Variants in EPHA5 observed in about 807,000 individuals in gnomAD.
EPHA5 encodes ephrin type-A receptor 5.
EPHA5 carries 60 observed loss-of-function variants against 105.0 expected under a neutral mutation model. The observed-to-expected ratio is 0.57, with a 90% CI of 0.46 to 0.71. The LOEUF is 0.71. Ranked by LOEUF, EPHA5 falls within the 30% of genes least tolerant of loss-of-function variation. The probability of loss-of-function intolerance (pLI) is 0.00; values close to 1 mark genes in which losing one functional copy is unlikely to be tolerated. For synonymous variants in EPHA5, 513 were observed against 449.1 expected (o/e 1.14, Z -1.80); for missense variants, 1,218 against 1,274.7 (o/e 0.96, Z 0.68).
Position 65,381,515 on chromosome 4 carries a change from A to C in EPHA5, c.1794-14091T>G, listed in dbSNP as rs796180999. Among the ~76,000 whole-genome samples the C allele has an allele frequency of 3.8e-4, 58 of 151,982 alleles. 1 individual carries two copies. Among genetic ancestry groups the C allele is most frequent in the African/African-American group, 1.3e-3 (55 of 41,524 alleles). ...ATACTTATTGCAATATATTTCATTA[A>C]AGGCCATGAGTTTTTAAGTGATTAA... is the stretch of plus-strand genomic sequence containing the variant. On this transcript the variant is annotated intron_variant, in intron 8 of 16. Coordinates refer to ENST00000613740, the MANE Select transcript of EPHA5 (RefSeq NM_001281766.3).
At chr4:65,375,106 A>C (rs1402564588) in intron 8 of EPHA5, among the ~76,000 whole-genome samples, 1 of 151,886 alleles carries the variant, frequency 6.6e-6, no homozygotes, top group Non-Finnish European at 1.5e-5. Flanking sequence ...ACCCAGTAAA[A>C]ATTTTGGAGA....
intron 3 of EPHA5, among the ~76,000 whole-genome samples, chr4:65,558,715 T>C (rs181371609): frequency 2.1e-3 from 316 of 152,120 alleles, no homozygotes; most frequent in Non-Finnish European, 1.4e-3. Context: ...CAACAGGCCC[T>C]GGTGTGTGAT....
chr4:65,452,302 A>C (rs186527035), intron 5 of EPHA5, among the ~76,000 whole-genome samples: 175 of 152,284 alleles, frequency 1.1e-3, no homozygotes, highest in African/African-American at 3.7e-3. Flanking sequence ...CAAATAGATT[A>C]ACGCATTTAT....
intron 3 of EPHA5, among the ~76,000 whole-genome samples, chr4:65,532,611 T>TG: frequency 6.6e-6 from 1 of 151,166 alleles, no homozygotes. Flanking sequence ...ATAGCTCTTT[T>TG]TTTTTTTACT....
At chr4:65,453,448 A>G (rs1188726764) in intron 5 of EPHA5, among the ~76,000 whole-genome samples, 5 of 152,188 alleles carry the variant, frequency 3.3e-5, no homozygotes, top group African/African-American at 1.2e-4. Flanking sequence ...GGTCACAGAG[A>G]GAACCAAGGA....
chr4:65,605,901 A>G (rs1246938557), intron 2 of EPHA5, among the ~76,000 whole-genome samples: 1 of 152,136 alleles, frequency 6.6e-6, no homozygotes, highest in Admixed American at 6.5e-5. Context: ...TTCAATAGAG[A>G]ACATCACAAA....
intron 1 of EPHA5, among the ~76,000 whole-genome samples, chr4:65,645,519 T>C (rs1220090922): frequency 2.0e-5 from 3 of 152,044 alleles, no homozygotes; most frequent in Admixed American, 6.6e-5. Flanking sequence ...CTTACTAATA[T>C]GAAATATGAA....
At chr4:65,382,080 G>A (rs1719615056) in intron 8 of EPHA5, among the ~76,000 whole-genome samples, 1 of 151,648 alleles carries the variant, frequency 6.6e-6, no homozygotes, top group Non-Finnish European at 1.5e-5. Context: ...CCCCCAAATT[G>A]TACAAATCTA....
chr4:65,492,311 C>A (rs1731484231), intron 4 of EPHA5, among the ~76,000 whole-genome samples: 1 of 151,902 alleles, frequency 6.6e-6, no homozygotes. Flanking sequence ...AAATGACTCT[C>A]CTGCCTCAGC....
intron 15 of EPHA5, among the ~76,000 whole-genome samples, chr4:65,332,743 T>C (rs528725197): frequency 4.6e-5 from 7 of 151,916 alleles, no homozygotes; most frequent in Non-Finnish European, 1.0e-4. Flanking sequence ...ATTTGTCATG[T>C]AGTGATTTAG....
At chr4:65,475,761 AT>A (rs1388064058) in intron 5 of EPHA5, among the ~76,000 whole-genome samples, 1 of 152,202 alleles carries the variant, frequency 6.6e-6, no homozygotes, top group Non-Finnish European at 1.5e-5. Context: ...CAGTTAATAG[AT>A]TGTTGACCAC....
chr4:65,409,691 AAACTTTCTT>A (rs1168534177), intron 7 of EPHA5, among the ~76,000 whole-genome samples: 1 of 152,226 alleles, frequency 6.6e-6, no homozygotes, highest in Non-Finnish European at 1.5e-5. Flanking sequence ...AGGTATCTAT[AAACTTTCTT>A]AATCAGGGTA....
At chr4:65,543,403 A>G (rs1737040254) in intron 3 of EPHA5, among the ~76,000 whole-genome samples, 1 of 152,054 alleles carries the variant, frequency 6.6e-6, no homozygotes. Context: ...ATATGCAAAA[A>G]TCACAAGCAT....
intron 3 of EPHA5, among the ~76,000 whole-genome samples, chr4:65,548,016 CAT>C (rs1196035717): frequency 6.6e-6 from 1 of 151,376 alleles, no homozygotes. Flanking sequence ...CAAATAATGA[CAT>C]AGTTTTGCAA....
intron 3 of EPHA5, among the ~76,000 whole-genome samples, chr4:65,498,274 T>C (rs1560609930): frequency 6.6e-6 from 1 of 151,912 alleles, no homozygotes; most frequent in Non-Finnish European, 1.5e-5. Flanking sequence ...AAACCTTACA[T>C]ATTTTATTAG....
intron 8 of EPHA5, among the ~76,000 whole-genome samples, chr4:65,401,954 T>C (rs970572662): frequency 6.6e-6 from 1 of 151,392 alleles, no homozygotes; most frequent in Non-Finnish European, 1.5e-5. Context: ...ATAGAGATGG[T>C]TAGGCTTTGT....
At chr4:65,652,514 G>C (rs1748696480) in intron 1 of EPHA5, among the ~76,000 whole-genome samples, 1 of 152,058 alleles carries the variant, frequency 6.6e-6, no homozygotes, top group Non-Finnish European at 1.5e-5. Flanking sequence ...AGAGCCCAAG[G>C]TCCCAGAGCT....
At chr4:65,669,318 C>A in intron 1 of EPHA5, 1 of 896,386 alleles carries the variant, frequency 1.1e-6, no homozygotes, top group Non-Finnish European at 1.3e-6. Flanking sequence ...TCCCAGCCCC[C>A]CAACCAGCCT....
chr4:65,383,222 C>A (rs1045360024), intron 8 of EPHA5, among the ~76,000 whole-genome samples: 1 of 130,188 alleles, frequency 7.7e-6, no homozygotes. Flanking sequence ...ATATGATATA[C>A]ACACACACAC....
Sources: gnomAD v4.1 joint callset for allele counts (sites outside exome capture counted in the v4.1 genomes callset) on GRCh38, gnomAD v4.1.1 for gene constraint, MANE v1.5 for transcripts, NCBI Gene and HGNC (gene_info 2026-07-23, HGNC 2026-07-21) for gene names.